PMPCB: variants seen among roughly 807,000 people sequenced by gnomAD.
PMPCB encodes the protein mitochondrial-processing peptidase subunit beta.
PMPCB carries 46 observed loss-of-function variants against 61.5 expected under a neutral mutation model. That is an observed-to-expected ratio of 0.75 (90% CI 0.59 to 0.96). The LOEUF (loss-of-function observed/expected upper bound fraction) is 0.96, where lower values mean the gene tolerates loss of function less well. Among genes scored for constraint, PMPCB ranks in the 40% least tolerant of loss-of-function variants. PMPCB has a pLI of 0.00. For missense variants in PMPCB, 590 were observed against 602.4 expected, an observed-to-expected ratio of 0.98 and a Z score of 0.22; for synonymous variants, 191 against 201.6, an observed-to-expected ratio of 0.95 and a Z score of 0.44.
chr7:103,325,516 C>T (rs1818659967), intron 12 of PMPCB, among the ~76,000 whole-genome samples: 1 of 151,654 alleles, frequency 6.6e-6, no homozygotes, highest in African/African-American at 2.4e-5. Flanking sequence ...CTAGGTGGCG[C>T]CAAACCGCTA....
Position 103,312,800 on chromosome 7 carries a change from C to G in PMPCB, c.*529C>G. 6.6e-7 allele frequency: 1 copy of G among 1,510,778 alleles called. No homozygotes were observed. The highest frequency in any genetic ancestry group is 2.3e-5 in the East Asian group (1 of 43,784). 93.6% of individuals were successfully genotyped at this position (1,510,778 alleles called of 1,614,324 possible). A position where few individuals can be genotyped will look rare whatever the true frequency, so the allele number is the denominator to read the frequency against. ...GGCCTAGAAAGTTTCTAAGGTTGCT[C>G]ATTTCTTCCTCATAATATTGACCCC... On this transcript the variant is annotated 3_prime_UTR_variant, in exon 13 of 13. Coordinates refer to ENST00000249269, the MANE Select transcript of PMPCB (RefSeq NM_004279.3).
At chr7:103,316,109 A>G (rs1818039125), downstream of PMPCB, 1 of 1,440,880 alleles carries the variant, frequency 6.9e-7, no homozygotes, top group African/African-American at 1.4e-5. Flanking sequence ...ATATTATACA[A>G]TAATATGAAT....
intron 6 of PMPCB, among the ~76,000 whole-genome samples, chr7:103,305,409 T>C (rs546614120): frequency 2.3e-4 from 35 of 152,158 alleles, no homozygotes; most frequent in Non-Finnish European, 4.7e-4. Flanking sequence ...CAGTTTTTTA[T>C]TTTTTTCTTT....
chr7:103,311,808 G>C lies in PMPCB; in HGVS notation c.1241G>C (p.Gly414Ala). Reference sequence around the variant, plus strand: ...TTAATTTTTCCTTCTCTTTAAACAGGTTCAACTCCAATTTGTGAAGATATT... The same window carrying C: ...TTAATTTTTCCTTCTCTTTAAACAGCTTCAACTCCAATTTGTGAAGATATT... ...LKTNMLLQLD[G>A]STPICEDIGR... The change falls in exon 11 of 13, where the codon GGT (glycine) becomes GCT (alanine). Residue 414 changes from glycine to alanine, a missense_variant and splice_region_variant. Coordinates refer to ENST00000249269, the MANE Select transcript of PMPCB (RefSeq NM_004279.3). 3 of 1,610,700 alleles carry C rather than the reference G, an allele frequency of 1.9e-6. No homozygotes were observed. In the South Asian group the frequency reaches 3.3e-5, roughly 18 times the overall value.
downstream of PMPCB, among the ~76,000 whole-genome samples, chr7:103,333,699 G>A (rs1370901540): frequency 6.6e-6 from 1 of 152,096 alleles, no homozygotes; most frequent in Non-Finnish European, 1.5e-5. Context: ...GTTTTCTGAT[G>A]CCTGTCACCA....
Position 103,312,384 on chromosome 7 carries a change from C to A in PMPCB, c.*113C>A. 2.6e-6 allele frequency: 4 copies of A among 1,530,962 alleles called. No individual in the cohort carries two copies. The highest frequency in any genetic ancestry group is 3.5e-6 in the Non-Finnish European group (4 of 1,147,892). The allele number at this position is 1,530,962 out of a possible 1,614,324, so 94.8% of individuals were successfully genotyped here. ...AATTTGAATTAAATACTGTATCATA[C>A]TTTCAAAGGATAAAAAGACTACCCC... On this transcript the variant is annotated 3_prime_UTR_variant, in exon 13 of 13. Transcript: ENST00000249269.
chr7:103,324,475 C>A, intron 12 of PMPCB: 1 of 1,485,942 alleles, frequency 6.7e-7, no homozygotes, highest in South Asian at 1.3e-5. Flanking sequence ...ACAGTATATT[C>A]ACTTACCAGA....
chr7:103,343,821 T>C, the PMPCB span, among the ~76,000 whole-genome samples: 1 of 152,126 alleles, frequency 6.6e-6, no homozygotes, highest in African/African-American at 2.4e-5. Flanking sequence ...TTAAGCCTTT[T>C]GCTCTAGTTG....
intron 12 of PMPCB, among the ~76,000 whole-genome samples, chr7:103,321,061 G>T (rs897694391): frequency 6.6e-6 from 1 of 151,278 alleles, no homozygotes; most frequent in African/African-American, 2.4e-5. Flanking sequence ...AGCTGGGTGT[G>T]GTGGTATGCA....
In PMPCB at chr7:103,312,518, G is replaced by T. The variant is rs1817802505; in HGVS notation, c.*247G>T. The T allele has an allele frequency of 6.3e-7, 1 of 1,586,200 alleles. No homozygotes were observed. The highest frequency in any genetic ancestry group is 8.5e-7 in the Non-Finnish European group (1 of 1,170,244). ...TGAGTATAATTTTAAGAATGAAAAT[G>T]TTTACAGTATTTTCAGTTTTATTAT... On this transcript the variant is annotated 3_prime_UTR_variant, in exon 13 of 13. Transcript: ENST00000249269.
chr7:103,318,092 A>G (rs1213882486), downstream of PMPCB, among the ~76,000 whole-genome samples: 1 of 152,224 alleles, frequency 6.6e-6, no homozygotes, highest in African/African-American at 2.4e-5. Context: ...TCAACAAGGT[A>G]TTAAAAACCT....
chr7:103,326,427 G>T, intron 12 of PMPCB: 2 of 1,028,600 alleles, frequency 1.9e-6, no homozygotes, highest in South Asian at 1.5e-5. Context: ...AGGAGGAAGA[G>T]ACAGTGGAAA....
At chr7:103,308,888 T>C in intron 7 of PMPCB, 64 bp from the exon 8 acceptor site, 1 of 1,327,478 alleles carries the variant, frequency 7.5e-7, no homozygotes, top group South Asian at 1.9e-5. Flanking sequence ...ATTTTTTCCT[T>C]GTTAATAAGC....
At chr7:103,342,292 ATTAT>A in the PMPCB span, among the ~76,000 whole-genome samples, 1 of 151,866 alleles carries the variant, frequency 6.6e-6, no homozygotes, top group South Asian at 2.1e-4. Context: ...TTTTAGACAA[ATTAT>A]TTATTTTTTT....
chr7:103,312,854 T>C lies in PMPCB; in HGVS notation c.*583T>C, dbSNP rs951981440. 1.2e-5 allele frequency: 19 copies of C among 1,534,780 alleles called. No homozygotes were observed. The highest frequency in any genetic ancestry group is 1.8e-4 in the Middle Eastern group (1 of 5,654). ...ACTACTGGTTTTGAAATAAGCACTATATTATTAACCACTTAATAGACATAA... is the reference window on the plus strand; with the variant it reads ...ACTACTGGTTTTGAAATAAGCACTACATTATTAACCACTTAATAGACATAA... On this transcript the variant is annotated 3_prime_UTR_variant, in exon 13 of 13. Coordinates refer to ENST00000249269, the MANE Select transcript of PMPCB (RefSeq NM_004279.3).
At chr7:103,336,916 T>C in the PMPCB span, 2 of 152,238 alleles carry the variant, frequency 1.3e-5, no homozygotes, top group African/African-American at 4.8e-5. Context: ...CTAATAATTT[T>C]TACCACAGGC....
chr7:103,340,249 T>C, the PMPCB span, among the ~76,000 whole-genome samples: 1 of 152,252 alleles, frequency 6.6e-6, no homozygotes, highest in Admixed American at 6.5e-5. Context: ...TTTCTACTTC[T>C]GTCACCCTTC....
intron 11 of PMPCB, 70 bp from the exon 12 acceptor site, chr7:103,311,986 T>C (rs1049065069): frequency 1.9e-6 from 3 of 1,553,346 alleles, no homozygotes; most frequent in Non-Finnish European, 1.8e-6. Context: ...TGCTTTAGTT[T>C]TAAAAAGTTC....
chr7:103,304,392 T>C lies in PMPCB; in HGVS notation c.657-19T>C. On this transcript the variant is annotated intron_variant, in intron 5 of 12. Coordinates refer to ENST00000249269, the MANE Select transcript of PMPCB (RefSeq NM_004279.3). ...TTTTTTTTTGGTTTCCTTTAAAAATTGTTTTACTTCATTTACAGATCTATA... is the reference window on the plus strand; with the variant it reads ...TTTTTTTTTGGTTTCCTTTAAAAATCGTTTTACTTCATTTACAGATCTATA... The C allele has an allele frequency of 7.1e-7, 1 of 1,407,994 alleles. No homozygotes were observed. The highest frequency in any genetic ancestry group is 1.2e-5 in the South Asian group (1 of 83,814). The allele number at this position is 1,407,994 out of a possible 1,614,324, so 87.2% of individuals were successfully genotyped here.
Sources: allele counts gnomAD v4.1 joint callset (sites outside exome capture counted in the v4.1 genomes callset), GRCh38; gene constraint gnomAD v4.1.1; transcripts MANE v1.5; gene names NCBI Gene and HGNC (gene_info 2026-07-23, HGNC 2026-07-21).